Variants in GALNT13 observed in about 807,000 individuals in gnomAD.
The protein encoded by GALNT13 is polypeptide N-acetylgalactosaminyltransferase 13, also known as UDP-GalNAc:polypeptide N-acetylgalactosaminyltransferase 13.
A neutral mutation model predicts 64.2 loss-of-function variants in GALNT13; 28 were observed. The ratio of observed to expected loss-of-function variants is 0.44; its 90% confidence interval spans 0.32 to 0.60. The LOEUF is 0.60. Ranked by LOEUF, GALNT13 falls within the 20% of genes least tolerant of loss-of-function variation. The pLI, the probability that GALNT13 is intolerant of heterozygous loss-of-function variation, is 0.05. For missense variants in GALNT13, 577 were observed against 669.8 expected (o/e 0.86, Z 1.53); for synonymous variants, 214 against 224.6 (o/e 0.95, Z 0.42).
the GALNT13 span, among the ~76,000 whole-genome samples, chr2:153,297,771 T>C: frequency 1.3e-5 from 2 of 152,204 alleles, no homozygotes; most frequent in Non-Finnish European, 2.9e-5. Context: ...AGGCTAACAA[T>C]AGTGGATGTG....
the GALNT13 span, among the ~76,000 whole-genome samples, chr2:153,726,035 G>T: frequency 1.3e-5 from 2 of 151,890 alleles, no homozygotes; most frequent in Non-Finnish European, 2.9e-5. Context: ...TTATTCTGTT[G>T]ATGAGTATTT....
chr2:153,948,265 C>T (rs1691917348), intron 3 of GALNT13, among the ~76,000 whole-genome samples: 1 of 150,924 alleles, frequency 6.6e-6, no homozygotes, highest in African/African-American at 2.4e-5. Flanking sequence ...CTCAACATGA[C>T]TGATTATTAG....
At chr2:153,831,694 GTTGGTGCTA>G in the GALNT13 span, among the ~76,000 whole-genome samples, 1 of 152,090 alleles carries the variant, frequency 6.6e-6, no homozygotes, top group African/African-American at 2.4e-5. Flanking sequence ...AACTGCGTCC[GTTGGTGCTA>G]TCTCTGTGTT....
At chr2:153,837,858 A>G in the GALNT13 span, among the ~76,000 whole-genome samples, 4 of 151,978 alleles carry the variant, frequency 2.6e-5, no homozygotes, top group Non-Finnish European at 4.4e-5. Context: ...TTTTTCCATA[A>G]TGGCTATACC....
At chr2:153,703,938 C>T in the GALNT13 span, among the ~76,000 whole-genome samples, 3 of 152,144 alleles carry the variant, frequency 2.0e-5, no homozygotes, top group East Asian at 3.9e-4. Context: ...TTTTAAAGAC[C>T]TTCCCAGATG....
At chr2:153,630,598 T>C in the GALNT13 span, among the ~76,000 whole-genome samples, 4 of 147,548 alleles carry the variant, frequency 2.7e-5, no homozygotes, top group African/African-American at 5.0e-5. Flanking sequence ...TGTATACATA[T>C]GTAACTAACC....
At chr2:153,117,458 C>T in the GALNT13 span, among the ~76,000 whole-genome samples, 12 of 152,014 alleles carry the variant, frequency 7.9e-5, no homozygotes, top group African/African-American at 2.9e-4. Flanking sequence ...TTATTAGAAA[C>T]ATGAAAGAGA....
intron 11 of GALNT13, among the ~76,000 whole-genome samples, chr2:154,409,721 C>T (rs1699709906): frequency 6.6e-6 from 1 of 151,840 alleles, no homozygotes; most frequent in South Asian, 2.1e-4. Context: ...GGGAACTATA[C>T]CAACAAAGCA....
intron 3 of GALNT13, among the ~76,000 whole-genome samples, chr2:153,979,122 T>A (rs1694279430): frequency 6.6e-6 from 1 of 152,156 alleles, no homozygotes; most frequent in Non-Finnish European, 1.5e-5. Context: ...TTGATTATTT[T>A]AAATCTAGGT....
chr2:154,380,904 T>C (rs1379507685), intron 9 of GALNT13, among the ~76,000 whole-genome samples: 7 of 152,034 alleles, frequency 4.6e-5, no homozygotes, highest in Non-Finnish European at 1.0e-4. Flanking sequence ...AACCTTTAGT[T>C]TCTTGTCTGT....
At chr2:153,620,463 T>G in the GALNT13 span, among the ~76,000 whole-genome samples, 2 of 151,956 alleles carry the variant, frequency 1.3e-5, no homozygotes, top group African/African-American at 4.8e-5. Flanking sequence ...TTTTTTTCTT[T>G]TGTCTCCTCT....
At chr2:153,798,472 TCTA>T in the GALNT13 span, among the ~76,000 whole-genome samples, 1 of 152,186 alleles carries the variant, frequency 6.6e-6, no homozygotes, top group African/African-American at 2.4e-5. Flanking sequence ...TGTGAATTCA[TCTA>T]CTAAGATAAA....
At chr2:153,460,588 G>C in the GALNT13 span, among the ~76,000 whole-genome samples, 1 of 152,036 alleles carries the variant, frequency 6.6e-6, no homozygotes, top group Non-Finnish European at 1.5e-5. Flanking sequence ...ATTAAGTTAT[G>C]AGTTATATAT....
At chr2:153,942,480 T>A (rs2105380257) in intron 2 of GALNT13, among the ~76,000 whole-genome samples, 1 of 152,244 alleles carries the variant, frequency 6.6e-6, no homozygotes, top group African/African-American at 2.4e-5. Context: ...ATATCTCAAA[T>A]TTAGAAAAGA....
the GALNT13 span, among the ~76,000 whole-genome samples, chr2:153,717,803 A>G: frequency 6.6e-6 from 1 of 152,182 alleles, no homozygotes; most frequent in African/African-American, 2.4e-5. Flanking sequence ...TCGAGTAAAA[A>G]TTTAAAAGGC....
At chr2:153,757,273 G>A in the GALNT13 span, among the ~76,000 whole-genome samples, 3 of 152,192 alleles carry the variant, frequency 2.0e-5, no homozygotes, top group African/African-American at 7.2e-5. Flanking sequence ...TGTGGCCTTT[G>A]TCTTTCTATA....
At chr2:154,105,367 A>G (rs564764615) in intron 3 of GALNT13, among the ~76,000 whole-genome samples, 123 of 152,326 alleles carry the variant, frequency 8.1e-4, no homozygotes, top group Non-Finnish European at 1.3e-3. Context: ...CCATTAGATT[A>G]TAATACCATA....
intron 8 of GALNT13, among the ~76,000 whole-genome samples, chr2:154,276,180 C>A (rs1574001291): frequency 2.0e-5 from 3 of 151,666 alleles, no homozygotes; most frequent in Admixed American, 2.0e-4. Flanking sequence ...GGATGCTTTT[C>A]TTTTCTTTTC....
At chr2:153,183,013 G>A in the GALNT13 span, among the ~76,000 whole-genome samples, 1 of 152,166 alleles carries the variant, frequency 6.6e-6, no homozygotes, top group African/African-American at 2.4e-5. Context: ...TTGCTGGGTT[G>A]AATGGTATAT....
Sources: allele counts gnomAD v4.1 joint callset (sites outside exome capture counted in the v4.1 genomes callset), GRCh38; gene constraint gnomAD v4.1.1; transcripts MANE v1.5; gene names NCBI Gene and HGNC (gene_info 2026-07-23, HGNC 2026-07-21).